The following SLC39A7 variants were observed in gnomAD, a reference collection of about 807,000 sequenced individuals.
SLC39A7 encodes the protein solute carrier family 39 member 7.
Under a neutral mutation model 39.7 loss-of-function variants are expected in SLC39A7, and 25 were observed. The observed-to-expected ratio is 0.63, with a 90% CI of 0.46 to 0.88. The LOEUF (loss-of-function observed/expected upper bound fraction) is 0.88. Among genes scored for constraint, SLC39A7 ranks in the 40% least tolerant of loss-of-function variants. The probability of loss-of-function intolerance (pLI) is 0.00; values close to 1 mark genes in which losing one functional copy is unlikely to be tolerated. For synonymous variants in SLC39A7, 181 were observed against 234.1 expected, an observed-to-expected ratio of 0.77 and a Z score of 2.07; for missense variants, 501 against 592.1, an observed-to-expected ratio of 0.85 and a Z score of 1.60.
In SLC39A7 at chr6:33,201,562, A is replaced by AATCACTTC; in HGVS notation, c.317_318insATCACTTC (p.His106GlnfsTer42). 1 of 1,614,164 alleles carries AATCACTTC rather than the reference A, an allele frequency of 6.2e-7. No individual in the cohort carries two copies. The highest frequency in any genetic ancestry group is 8.5e-7 in the Non-Finnish European group (1 of 1,179,986). On this transcript the variant is annotated frameshift_variant, in exon 1 of 7. Coordinates refer to ENST00000374677, the MANE Select transcript of SLC39A7 (RefSeq NM_006979.3). LOFTEE classifies it high-confidence loss of function. This position sits in a 1 kb window ranked among gnomAD's most constrained non-coding sequence, Gnocchi z 5.9. ...CATGAGAGCCTCTACCACAGAGGAC[A>AATCACTTC]TGGACATGACCATGAGCATAGCCAT...
Position 33,201,066 on chromosome 6 carries a change from T to G in SLC39A7, c.-180T>G. 1.3e-6 allele frequency: 1 copy of G among 780,090 alleles called. No individual in the cohort carries two copies. Among genetic ancestry groups the G allele is most frequent in the Non-Finnish European group, 2.2e-6 (1 of 452,872 alleles). The allele number at this position is 780,090 out of a possible 1,614,324, so 48.3% of individuals were successfully genotyped here. On this transcript the variant is annotated 5_prime_UTR_variant, in exon 1 of 7. Coordinates refer to ENST00000374677, the MANE Select transcript of SLC39A7 (RefSeq NM_006979.3). The surrounding 1 kb of genome is among the most constrained non-coding windows in gnomAD (Gnocchi z 5.9). The stretch of plus-strand genomic sequence containing the variant: ...AAGATTAGTGTCCCAGGGCCCTACA[T>G]CCGGGAGGTGGTTCGGGATAAAGAG...
chr6:33,203,924 C>A lies in SLC39A7; in HGVS notation c.*111C>A. The stretch of plus-strand genomic sequence containing the variant: ...CATCTGCCAAAGGAAGGAACTGTAG[C>A]CTGGGAGAATGGTTACTTTGGCATT... On this transcript the variant is annotated 3_prime_UTR_variant, in exon 7 of 7. Coordinates refer to ENST00000374677, the MANE Select transcript of SLC39A7 (RefSeq NM_006979.3). The A allele has an allele frequency of 9.1e-7, 1 of 1,097,724 alleles. No homozygotes were observed. The highest frequency in any genetic ancestry group is 1.3e-6 in the Non-Finnish European group (1 of 753,340). 68.0% of individuals were successfully genotyped at this position (1,097,724 alleles called of 1,614,324 possible). A position where few individuals can be genotyped will look rare whatever the true frequency, so the allele number is the denominator to read the frequency against.
Position 33,202,262 on chromosome 6 carries a change from G to C in SLC39A7, c.635-1G>C, listed in dbSNP as rs749136144. 3 of 1,612,684 alleles carry C rather than the reference G, an allele frequency of 1.9e-6. No individual in the cohort carries two copies. Among genetic ancestry groups the C allele is most frequent in the Non-Finnish European group, 2.5e-6 (3 of 1,179,746 alleles). On this transcript the variant is annotated splice_acceptor_variant, in intron 3 of 6. Transcript: ENST00000374677. LOFTEE classifies it high-confidence loss of function. ...TAATGTCTCAATGCCTCCATTCCCA[G>C]GCCAGGGCCCCATTCTGTCTGTGGG...
Position 33,204,090 on chromosome 6 carries a change from G to T in SLC39A7, c.*277G>T. The T allele has an allele frequency of 1.7e-6, 1 of 573,896 alleles. No homozygotes were observed. Among genetic ancestry groups the T allele is most frequent in the Non-Finnish European group, 3.1e-6 (1 of 321,370 alleles). 35.6% of individuals were successfully genotyped at this position (573,896 alleles called of 1,614,324 possible). A position where few individuals can be genotyped will look rare whatever the true frequency, so the allele number is the denominator to read the frequency against. On this transcript the variant is annotated 3_prime_UTR_variant, in exon 7 of 7. Transcript: ENST00000374677. ...CCATGAAGAAGGCTGGAAGGGACAG[G>T]GGGTGATGGCAGCCTACCTGGTGTC...
chr6:33,200,897 C>T lies in SLC39A7; in HGVS notation c.-349C>T, dbSNP rs576515296. ...CTCGCGGGATCTAAAGGCGGGACTG[C>T]CACGTCCAAGCAAACCGGGAAAGGA... On this transcript the variant is annotated 5_prime_UTR_variant, in exon 1 of 7. Transcript: ENST00000374677. This position sits in a 1 kb window ranked among gnomAD's most constrained non-coding sequence, Gnocchi z 6.3. 48 of 1,321,722 alleles carry T rather than the reference C, an allele frequency of 3.6e-5. No homozygotes were observed. Among genetic ancestry groups the T allele is most frequent in the Non-Finnish European group, 4.8e-5 (46 of 949,832 alleles). The allele number at this position is 1,321,722 out of a possible 1,614,324, so 81.9% of individuals were successfully genotyped here.
rs771285442 is a variant in SLC39A7 at position 33,203,049 on chromosome 6, G to A, written c.1080G>A (p.Val360=). 1.2e-6 allele frequency: 2 copies of A among 1,609,640 alleles called. No homozygotes were observed. The highest frequency in any genetic ancestry group is 1.3e-5 in the African/African-American group (1 of 74,658). The part of the protein sequence containing the change: ...LTTMTVLLHE[V]PHEVGDFAIL... ...CAATGACTGTCCTGCTACATGAAGT[G>A]CCCCACGAGGTCGGAGACTTTGCCA... The change falls in exon 6 of 7, where the codon GTG becomes GTA. Residue 360 remains valine, a synonymous_variant. Coordinates refer to ENST00000374677, the MANE Select transcript of SLC39A7 (RefSeq NM_006979.3).
chr6:33,202,948 T>C lies in SLC39A7; in HGVS notation c.979T>C (p.Leu327=), dbSNP rs1375882277. The change falls in exon 6 of 7, where the codon TTG becomes CTG. Residue 327 remains leucine, a synonymous_variant. Transcript: ENST00000374677. The part of the protein sequence containing the change: ...VSGYLNLAAD[L]AHNFTDGLAI... ...GGGGTACCTGAATCTGGCTGCTGAC[T>C]TGGCACACAACTTCACTGATGGTCT... The C allele has an allele frequency of 6.2e-7, 1 of 1,611,990 alleles. No individual in the cohort carries two copies. The highest frequency in any genetic ancestry group is 2.2e-5 in the East Asian group (1 of 44,876).
chr6:33,203,116 G>A lies in SLC39A7; in HGVS notation c.1137+10G>A, dbSNP rs977766014. 1.3e-6 allele frequency: 2 copies of A among 1,576,402 alleles called. No homozygotes were observed. Among genetic ancestry groups the A allele is most frequent in the African/African-American group, 2.7e-5 (2 of 73,206 alleles). Reference sequence around the variant, plus strand: ...CTGCAGCAAAAAGCAGGTTGGTGATGTCTGCCAAACACAGCTGCCTCAAAC... The same window carrying A: ...CTGCAGCAAAAAGCAGGTTGGTGATATCTGCCAAACACAGCTGCCTCAAAC... On this transcript the variant is annotated intron_variant, in intron 6 of 6. Coordinates refer to ENST00000374677, the MANE Select transcript of SLC39A7 (RefSeq NM_006979.3).
In SLC39A7 at chr6:33,201,540, G is replaced by A; in HGVS notation, c.295G>A (p.Glu99Lys). The A allele has an allele frequency of 3.1e-6, 5 of 1,614,144 alleles. No homozygotes were observed. Among genetic ancestry groups the A allele is most frequent in the Non-Finnish European group, 4.2e-6 (5 of 1,179,998 alleles). ...TGGCCATAGCCATGGCTACTCCCAT[G>A]AGAGCCTCTACCACAGAGGACATGG... ...HHGHSHGYSHESLYHRGHGHD... is the reference protein window; with the variant it reads ...HHGHSHGYSHKSLYHRGHGHD... Residue 99 changes from glutamate (E) to lysine (K), a missense_variant, in exon 1 of 7, where the codon GAG (glutamate) becomes AAG (lysine). By Grantham distance (56) the Glu-to-Lys change is moderately conservative (BLOSUM62 1). Transcript: ENST00000374677. This position sits in a 1 kb window ranked among gnomAD's most constrained non-coding sequence, Gnocchi z 5.9.
intron 3 of SLC39A7, 66 bp from the exon 4 acceptor site, chr6:33,202,197 C>G (rs1410435837): frequency 6.3e-7 from 1 of 1,597,860 alleles, no homozygotes; most frequent in African/African-American, 1.3e-5. Flanking sequence ...TCCTCACCTC[C>G]CGCACTTGAG....
chr6:33,202,175 G>A (rs368697003), intron 3 of SLC39A7, 50 bp downstream of exon 3: 234 of 1,603,814 alleles, frequency 1.5e-4, no homozygotes, highest in Non-Finnish European at 8.3e-5. Flanking sequence ...GGGAAGGTCC[G>A]TCTCTCCCTA....
In SLC39A7 at chr6:33,202,191, C is replaced by T. The variant is rs149746507; in HGVS notation, c.634+66C>T. 42 of 1,596,230 alleles carry T rather than the reference C, an allele frequency of 2.6e-5. No homozygotes were observed. In the East Asian group the frequency reaches 9.4e-4, roughly 36 times the overall value. ...GGAAGGTCCGTCTCTCCCTATTCCT[C>T]ACCTCCCGCACTTGAGGAGGAGGAG... On this transcript the variant is annotated intron_variant, in intron 3 of 6. Transcript: ENST00000374677.
chr6:33,202,040 T>G, intron 2 of SLC39A7, 32 bp from the exon 3 acceptor site: 2 of 1,609,318 alleles, frequency 1.2e-6, no homozygotes, highest in Middle Eastern at 1.7e-4. Flanking sequence ...GTGTCAGATA[T>G]TCCCTCATCT....
At position 33,202,513 on chromosome 6, in the gene SLC39A7, G is replaced by A. The variant is rs199527989; in HGVS notation, c.800-47G>A. 3,319 of 1,593,956 alleles carry A rather than the reference G, an allele frequency of 2.1e-3. 75 individuals are homozygous for A. In the South Asian group the frequency reaches 0.032, roughly 15 times the overall value. On this transcript the variant is annotated intron_variant, in intron 4 of 6. Coordinates refer to ENST00000374677, the MANE Select transcript of SLC39A7 (RefSeq NM_006979.3). ...ATGGCCCTCAGGAGGGAGAGGACAT[G>A]TTGGAAGATCTGTTCTCCACTCTGA...
chr6:33,203,832 C>A lies in SLC39A7; in HGVS notation c.*19C>A, dbSNP rs1212288673. ...TGAGTGAGGGGTGGATAAACTACCC[C>A]TGCCCCAAACCTCTACCCCTAACTC... On this transcript the variant is annotated 3_prime_UTR_variant, in exon 7 of 7. Coordinates refer to ENST00000374677, the MANE Select transcript of SLC39A7 (RefSeq NM_006979.3). 7 of 1,612,542 alleles carry A rather than the reference C, an allele frequency of 4.3e-6. No homozygotes were observed. The South Asian group carries it at 6.6e-5, about 15-fold the overall frequency.
At position 33,201,136 on chromosome 6, in the gene SLC39A7, A is replaced by G; in HGVS notation, c.-110A>G. The G allele has an allele frequency of 9.4e-7, 1 of 1,063,674 alleles. No homozygotes were observed. Among genetic ancestry groups the G allele is most frequent in the South Asian group, 1.5e-5 (1 of 68,096 alleles). 65.9% of individuals were successfully genotyped at this position (1,063,674 alleles called of 1,614,324 possible). A position where few individuals can be genotyped will look rare whatever the true frequency, so the allele number is the denominator to read the frequency against. Reference sequence around the variant, plus strand: ...GTAGGTGGGAACTTAAGGGAATGGGAGAGCGGCCCATAGAGGTGGACGGAG... The same window carrying G: ...GTAGGTGGGAACTTAAGGGAATGGGGGAGCGGCCCATAGAGGTGGACGGAG... On this transcript the variant is annotated 5_prime_UTR_variant, in exon 1 of 7. Transcript: ENST00000374677. This position sits in a 1 kb window ranked among gnomAD's most constrained non-coding sequence, Gnocchi z 5.9.
chr6:33,202,061 C>G lies in SLC39A7; in HGVS notation c.581-11C>G, dbSNP rs750508117. On this transcript the variant is annotated splice_polypyrimidine_tract_variant and intron_variant, in intron 2 of 6. Transcript: ENST00000374677. ...GATATTCCCTCATCTGGTTTTCCCC[C>G]CTTCTTCCAGAACCTCATTCTCACC... 9.9e-6 allele frequency: 16 copies of G among 1,612,644 alleles called. No individual in the cohort carries two copies. The African/African-American group carries it at 2.1e-4, about 22-fold the overall frequency.
chr6:33,201,854 G>A lies in SLC39A7; in HGVS notation c.521G>A (p.Ser174Asn), dbSNP rs545588776. The change falls in exon 2 of 7, where the codon AGT (serine) becomes AAT (asparagine). Residue 174 changes from serine (S) to asparagine (N), a missense_variant. Ser to Asn is a conservative substitution (Grantham distance 46). Transcript: ENST00000374677. The surrounding 1 kb of genome is among the most constrained non-coding windows in gnomAD (Gnocchi z 5.9). ...CGCTCTCTACTTCAGATCTTGCTCAGTTTTGCTTCCGGTGGGCTCCTGGGA... is the reference window on the plus strand; with the variant it reads ...CGCTCTCTACTTCAGATCTTGCTCAATTTTGCTTCCGGTGGGCTCCTGGGA... ...RHRSLLQILLSFASGGLLGDA... is the reference protein window; with the variant it reads ...RHRSLLQILLNFASGGLLGDA... 4.3e-6 allele frequency: 7 copies of A among 1,612,918 alleles called. No homozygotes were observed. Among genetic ancestry groups the A allele is most frequent in the Admixed American group, 3.3e-5 (2 of 60,002 alleles).
Position 33,202,309 on chromosome 6 carries a change from T to C in SLC39A7, c.681T>C (p.Ile227=). 1 of 1,613,056 alleles carries C rather than the reference T, an allele frequency of 6.2e-7. No individual in the cohort carries two copies. Among genetic ancestry groups the C allele is most frequent in the South Asian group, 1.1e-5 (1 of 91,074 alleles). ...TGGGACTGTGGGTTCTCAGTGGAAT[T>C]GTTGCCTTTCTTGTCGTGGAGAAAT... ...LSVGLWVLSG[I]VAFLVVEKFV... The change falls in exon 4 of 7, where the codon ATT becomes ATC. Residue 227 remains isoleucine (I), a synonymous_variant. Coordinates refer to ENST00000374677, the MANE Select transcript of SLC39A7 (RefSeq NM_006979.3).
Sources: allele counts gnomAD v4.1 joint callset, GRCh38; gene constraint gnomAD v4.1.1; non-coding constraint Gnocchi (gnomAD v3.1); transcripts MANE v1.5; gene names NCBI Gene and HGNC (gene_info 2026-07-23, HGNC 2026-07-21).